The following FAM234B variants were observed in gnomAD, a reference collection of about 807,000 sequenced individuals.
FAM234B encodes protein FAM234B.
Under a neutral mutation model 69.3 loss-of-function variants are expected in FAM234B, and 33 were observed. The observed-to-expected ratio is 0.48, with a 90% CI of 0.36 to 0.64. The LOEUF (loss-of-function observed/expected upper bound fraction) is 0.64, where lower values mean the gene tolerates loss of function less well. Among genes scored for constraint, FAM234B ranks in the 30% least tolerant of loss-of-function variants. FAM234B has a pLI of 0.00. For synonymous variants in FAM234B, 306 were observed against 306.9 expected (o/e 1.00, Z 0.03); for missense variants, 697 against 769.7 (o/e 0.91, Z 1.12).
intron 10 of FAM234B, among the ~76,000 whole-genome samples, chr12:13,074,072 G>C (rs1297948895): frequency 6.6e-6 from 1 of 152,036 alleles, no homozygotes; most frequent in Non-Finnish European, 1.5e-5. Flanking sequence ...CTTTGATAGG[G>C]GCTGTTTTCA....
At position 13,080,613 on chromosome 12, in the gene FAM234B, C is replaced by A. The variant is rs781769164; in HGVS notation, c.1864-12C>A. The A allele has an allele frequency of 2.5e-6, 4 of 1,604,074 alleles. No homozygotes were observed. The highest frequency in any genetic ancestry group is 2.6e-6 in the Non-Finnish European group (3 of 1,171,046). ...GAAAAACAATAAAGTCACGATAACT[C>A]TTTTTCCATAGATCTAATCTGATGG... On this transcript the variant is annotated splice_polypyrimidine_tract_variant and intron_variant, in intron 12 of 12. Coordinates refer to ENST00000197268, the MANE Select transcript of FAM234B (RefSeq NM_020853.2).
chr12:13,056,731 G>T (rs952626605), intron 2 of FAM234B, among the ~76,000 whole-genome samples: 2 of 152,122 alleles, frequency 1.3e-5, no homozygotes, highest in African/African-American at 4.8e-5. Context: ...GTAACAAATT[G>T]TTGGTGTGTC....
intron 2 of FAM234B, 43 bp downstream of exon 2, chr12:13,055,989 G>A (rs1243418543): frequency 2.7e-6 from 4 of 1,485,850 alleles, no homozygotes; most frequent in Non-Finnish European, 3.6e-6. Context: ...GAAACTTCAT[G>A]CTATGTCTGA....
At chr12:13,047,431 G>T (rs1196758969) in intron 1 of FAM234B, among the ~76,000 whole-genome samples, 1 of 152,106 alleles carries the variant, frequency 6.6e-6, no homozygotes, top group Non-Finnish European at 1.5e-5. Flanking sequence ...ACCTTTAGTT[G>T]CAGTAGAGTG....
chr12:13,078,841 AG>A (rs1865191437), intron 11 of FAM234B, among the ~76,000 whole-genome samples: 1 of 152,146 alleles, frequency 6.6e-6, no homozygotes, highest in Non-Finnish European at 1.5e-5. Flanking sequence ...AGGGACATGA[AG>A]GACCTCTTCA....
intron 9 of FAM234B, 38 bp downstream of exon 9, chr12:13,068,749 A>G (rs1421331777): frequency 1.5e-6 from 2 of 1,369,806 alleles, no homozygotes; most frequent in Non-Finnish European, 2.1e-6. Context: ...AAGCATATGT[A>G]AAGTATATAC....
chr12:13,065,655 T>TCATATGC (rs1156416227), intron 5 of FAM234B, among the ~76,000 whole-genome samples: 2 of 152,212 alleles, frequency 1.3e-5, no homozygotes, highest in East Asian at 3.9e-4. Context: ...TTTGAGTTTG[T>TCATATGC]CATATGCCAT....
Position 13,081,975 on chromosome 12 carries a change from T to TG in FAM234B, c.*1346dup, listed in dbSNP as rs1865236304. On this transcript the variant is annotated 3_prime_UTR_variant, in exon 13 of 13. Transcript: ENST00000197268. ...TTTTTTTTTTTTTTTTTTTTTTTTT[T>TG]GAGACAGAGTTTTGCTCTTGTCGCC... The TG allele has an allele frequency of 1.1e-5, 1 of 94,770 alleles. No individual in the cohort carries two copies. The highest frequency in any genetic ancestry group is 3.8e-5 in the African/African-American group (1 of 26,416). 5.9% of individuals were successfully genotyped at this position (94,770 alleles called of 1,614,324 possible). A position where few individuals can be genotyped will look rare whatever the true frequency, so the allele number is the denominator to read the frequency against.
At chr12:13,075,943 C>G in intron 10 of FAM234B, 83 bp from the exon 11 acceptor site, 1 of 967,080 alleles carries the variant, frequency 1.0e-6, no homozygotes, top group South Asian at 1.3e-5. Flanking sequence ...TCACCATTTT[C>G]TACTCTGCCT....
intron 10 of FAM234B, among the ~76,000 whole-genome samples, chr12:13,074,056 G>A (rs1865136389): frequency 1.3e-5 from 2 of 152,158 alleles, no homozygotes; most frequent in Admixed American, 1.3e-4. Context: ...GGCAGAATTT[G>A]TGTTACTTTG....
chr12:13,044,819 T>C lies in FAM234B; in HGVS notation c.37+379T>C, dbSNP rs1299304328. Reference sequence around the variant, plus strand: ...GGACTCCGGCGCCTTCTGTCTTGGCTGGACCTGGGCGGGGGCGGCGGGACG... The same window carrying C: ...GGACTCCGGCGCCTTCTGTCTTGGCCGGACCTGGGCGGGGGCGGCGGGACG... On this transcript the variant is annotated intron_variant, in intron 1 of 12. Transcript: ENST00000197268. This position sits in a 1 kb window ranked among gnomAD's most constrained non-coding sequence, Gnocchi z 5.6. Among the ~76,000 whole-genome samples, 1 of 152,198 alleles carries C rather than the reference T, an allele frequency of 6.6e-6. No homozygotes were observed. The highest frequency in any genetic ancestry group is 1.5e-5 in the Non-Finnish European group (1 of 68,024).
intron 2 of FAM234B, among the ~76,000 whole-genome samples, chr12:13,056,959 T>A (rs535828155): frequency 5.9e-5 from 9 of 151,882 alleles, no homozygotes; most frequent in Admixed American, 3.9e-4. Context: ...AATTTAATCA[T>A]GCAGTCTTCT....
chr12:13,054,240 A>G (rs1864906146), intron 1 of FAM234B, among the ~76,000 whole-genome samples: 1 of 144,398 alleles, frequency 6.9e-6, no homozygotes. Flanking sequence ...GGGAAGTGAT[A>G]AATGTCCATG....
chr12:13,079,686 T>C lies in FAM234B; in HGVS notation c.1643-103T>C, dbSNP rs1865202436. The C allele has an allele frequency of 1.6e-5, 12 of 727,980 alleles. No individual in the cohort carries two copies. The South Asian group carries it at 2.1e-4, about 13-fold the overall frequency. The allele number at this position is 727,980 out of a possible 1,614,324, so 45.1% of individuals were successfully genotyped here. ...TATTCAGTGCTCAGTACATTTCCTG[T>C]ATGAACTTATGAGTAAATAAATGTA... is the stretch of plus-strand genomic sequence containing the variant. On this transcript the variant is annotated intron_variant, in intron 11 of 12. Transcript: ENST00000197268.
At chr12:13,070,975 A>G (rs563953978) in intron 9 of FAM234B, among the ~76,000 whole-genome samples, 6 of 152,252 alleles carry the variant, frequency 3.9e-5, no homozygotes, top group Non-Finnish European at 8.8e-5. Flanking sequence ...AATGGGGTGG[A>G]CTACATGATT....
Position 13,080,016 on chromosome 12 carries a change from GGCT to G in FAM234B, c.1863+10_1863+12del. 1 of 1,570,246 alleles carries G rather than the reference GGCT, an allele frequency of 6.4e-7. No individual in the cohort carries two copies. Among genetic ancestry groups the G allele is most frequent in the Non-Finnish European group, 8.6e-7 (1 of 1,156,072 alleles). ...TGTTGAAGCTCCCTACGAGGTGAGT[GGCT>G]GCAGAAATATTGTTCCTCTTGAGGG... On this transcript the variant is annotated splice_region_variant and intron_variant, in intron 12 of 12. Coordinates refer to ENST00000197268, the MANE Select transcript of FAM234B (RefSeq NM_020853.2).
At chr12:13,050,293 T>C (rs935187977) in intron 1 of FAM234B, among the ~76,000 whole-genome samples, 1 of 152,192 alleles carries the variant, frequency 6.6e-6, no homozygotes, top group African/African-American at 2.4e-5. Flanking sequence ...TCTCCTGTCA[T>C]TGCTTAGTAA....
rs1865244034 is a variant in FAM234B at position 13,082,308 on chromosome 12, A to G, written c.*1678A>G. The G allele has an allele frequency of 6.6e-6, 1 of 152,084 alleles. No individual in the cohort carries two copies. The highest frequency in any genetic ancestry group is 1.5e-5 in the Non-Finnish European group (1 of 68,034). The allele number at this position is 152,084 out of a possible 1,614,324, so 9.4% of individuals were successfully genotyped here. A position where few individuals can be genotyped will look rare whatever the true frequency, so the allele number is the denominator to read the frequency against. On this transcript the variant is annotated 3_prime_UTR_variant, in exon 13 of 13. Transcript: ENST00000197268. ...TTGTGTTAGTAAAAGGATTCTAGAA[A>G]ATTATGAAGTCCAGATTCAAAGGGA...
intron 5 of FAM234B, among the ~76,000 whole-genome samples, chr12:13,065,980 C>A (rs951763801): frequency 1.3e-5 from 2 of 152,158 alleles, no homozygotes; most frequent in African/African-American, 4.8e-5. Flanking sequence ...AAGTTGGCAA[C>A]TGTGGCTTGT....
Sources: gnomAD v4.1 joint callset for allele counts (sites outside exome capture counted in the v4.1 genomes callset) on GRCh38, gnomAD v4.1.1 for gene constraint, Gnocchi (gnomAD v3.1) non-coding constraint, MANE v1.5 for transcripts, NCBI Gene and HGNC (gene_info 2026-07-23, HGNC 2026-07-21) for gene names.